Variants in OASL observed in about 807,000 individuals in gnomAD.
OASL encodes 2'-5'-oligoadenylate synthase-like protein.
OASL carries 28 observed loss-of-function variants against 35.3 expected under a neutral mutation model. That is an observed-to-expected ratio of 0.79 (90% CI 0.59 to 1.09). The LOEUF (loss-of-function observed/expected upper bound fraction) is 1.09. OASL is among the 50% of genes least tolerant of loss of function. The pLI is 0.00. For synonymous variants in OASL, 252 were observed against 254.6 expected (o/e 0.99, Z 0.10); for missense variants, 620 against 635.2 (o/e 0.98, Z 0.26).
chr12:121,027,799 G>A (rs1305259217), exon 4 of OASL: 2 of 1,613,840 alleles, frequency 1.2e-6, no homozygotes, highest in Non-Finnish European at 1.7e-6. Flanking sequence ...TTGGCTCTGG[G>A]GGACCTGGCT....
chr12:121,023,819 A>G, intron 5 of OASL, 171 bp downstream of exon 5: 1 of 631,668 alleles, frequency 1.6e-6, no homozygotes, highest in Non-Finnish European at 2.6e-6. Flanking sequence ...AGGCTCTGAG[A>G]GCCAAAGAAT....
chr12:121,023,624 G>A lies in OASL; in HGVS notation c.1047+366C>T, dbSNP rs1592932427. On this transcript the variant is annotated intron_variant, in intron 5 of 5. Coordinates refer to ENST00000257570, the Ensembl canonical transcript of OASL. ...GGTCATGTCTTATTTCTGTGCCTGT[G>A]TTGTCCCCCAGCCCACATCCCCTAC... is the stretch of plus-strand genomic sequence containing the variant. 5 of 179,962 alleles carry A rather than the reference G, an allele frequency of 2.8e-5. No individual in the cohort carries two copies. In the Admixed American group the frequency reaches 2.8e-4, roughly 10 times the overall value. 11.1% of individuals were successfully genotyped at this position (179,962 alleles called of 1,614,324 possible).
Position 121,033,562 on chromosome 12 carries a change from CTCAGG to C in OASL, c.375_379del (p.Asp125GlufsTer46). ...AGCATCGGGGACTCTCTGCTCCATC[CTCAGG>C]TCCTCGAGCCCGAGGTCCAGCAGGT... On this transcript the variant is annotated frameshift_variant, in exon 2 of 6. Coordinates refer to ENST00000257570, the Ensembl canonical transcript of OASL. LOFTEE classifies it high-confidence loss of function. The C allele has an allele frequency of 6.2e-7, 1 of 1,614,170 alleles. No individual in the cohort carries two copies. Among genetic ancestry groups the C allele is most frequent in the East Asian group, 2.2e-5 (1 of 44,868 alleles).
intron 4 of OASL, 52 bp from the exon 5 acceptor site, chr12:121,024,189 AGCC>A: frequency 6.3e-7 from 1 of 1,580,898 alleles, no homozygotes; most frequent in Admixed American, 1.8e-5. Context: ...AAGGCCTTCA[AGCC>A]AGAAAAAAAC....
intron 2 of OASL, among the ~76,000 whole-genome samples, chr12:121,031,917 G>A (rs929877596): frequency 6.6e-6 from 1 of 152,136 alleles, no homozygotes; most frequent in Non-Finnish European, 1.5e-5. Flanking sequence ...GAGGCCGGGT[G>A]TGGTGGCTTA....
chr12:121,022,675 G>A (rs1869295046), intron 5 of OASL, among the ~76,000 whole-genome samples: 1 of 152,176 alleles, frequency 6.6e-6, no homozygotes, highest in Non-Finnish European at 1.5e-5. Flanking sequence ...AAGCAGTTCA[G>A]TCTCCTGTCC....
At chr12:121,021,010 A>G in exon 6 of OASL, 1 of 1,611,436 alleles carries the variant, frequency 6.2e-7, no homozygotes, top group Non-Finnish European at 8.5e-7. Flanking sequence ...ATGAGGTTGA[A>G]ATCTGGGTAA....
intron 4 of OASL, 147 bp from the exon 5 acceptor site, chr12:121,024,284 G>T (rs916146497): frequency 6.4e-6 from 5 of 779,778 alleles, no homozygotes; most frequent in African/African-American, 3.5e-5. Context: ...CCAAAACACC[G>T]CAGGAGAGTA....
In OASL at chr12:121,023,292, T is replaced by TC. The variant is rs1289534417; in HGVS notation, c.1047+697_1047+698insG. 2.4e-3 allele frequency among the ~76,000 whole-genome samples: 285 copies of TC among 116,330 alleles called. 10 individuals carry two copies. The highest frequency in any genetic ancestry group is 0.015 in the South Asian group (51 of 3,390). 76.3% of individuals were successfully genotyped at this position (116,330 alleles called of 152,430 possible). ...GGGTGGTGTCTTTTTTTTTTCTTTT[T>TC]TTCTTTTTTTTTTGAGGCAGAGTTT... is the stretch of plus-strand genomic sequence containing the variant. On this transcript the variant is annotated intron_variant, in intron 5 of 5. Coordinates refer to ENST00000257570, the Ensembl canonical transcript of OASL.
At chr12:121,018,182 C>G (rs1277207647), downstream of OASL, among the ~76,000 whole-genome samples, 2 of 152,100 alleles carry the variant, frequency 1.3e-5, no homozygotes, top group Non-Finnish European at 2.9e-5. Flanking sequence ...GGTTCGAACC[C>G]CAAGAGCGTG....
chr12:121,032,331 C>T (rs933734559), intron 2 of OASL, among the ~76,000 whole-genome samples: 4 of 152,160 alleles, frequency 2.6e-5, no homozygotes, highest in Non-Finnish European at 5.9e-5. Context: ...AGCAACTCCA[C>T]GCAGCCAGCC....
At chr12:121,039,020 A>G (rs1159994980) in exon 1 of OASL, 7 of 1,523,472 alleles carry the variant, frequency 4.6e-6, no homozygotes, top group East Asian at 2.3e-5. Flanking sequence ...CCAGGCTCCT[A>G]CCCAGCTCCC....
chr12:121,030,347 G>A (rs1017893239), intron 3 of OASL, among the ~76,000 whole-genome samples: 6 of 152,250 alleles, frequency 3.9e-5, no homozygotes, highest in East Asian at 1.9e-4. Flanking sequence ...TGGGACTACA[G>A]GCGCCCGCCA....
In OASL at chr12:121,038,859, C is replaced by T. The variant is rs1246029413; in HGVS notation, c.113G>A (p.Arg38Gln). 15 of 1,614,008 alleles carry T rather than the reference C, an allele frequency of 9.3e-6. No homozygotes were observed. In the Admixed American group the frequency reaches 1.0e-4, roughly 11 times the overall value. ...CTGCCTCAGAAACTCCTCCACGGTC[C>T]GCACAGCGTCTAGCACCTCTTCCTT... The change falls in exon 1 of 6, where the codon CGG (arginine) becomes CAG (glutamine). Residue 38 changes from arginine (R) to glutamine (Q), a missense_variant. Arg to Gln is a conservative substitution (Grantham distance 43). Coordinates refer to ENST00000257570, the Ensembl canonical transcript of OASL.
At chr12:121,030,372 T>G (rs2135910516) in intron 3 of OASL, among the ~76,000 whole-genome samples, 1 of 152,100 alleles carries the variant, frequency 6.6e-6, no homozygotes, top group East Asian at 1.9e-4. Flanking sequence ...GCCTGGCTAT[T>G]TTTTTGTATT....
chr12:121,020,562 T>A, exon 6 of OASL: 1 of 1,597,808 alleles, frequency 6.3e-7, no homozygotes, highest in Non-Finnish European at 8.5e-7. Flanking sequence ...CAGAGAAAAC[T>A]AACTGGCTGG....
chr12:121,025,759 T>TA (rs11408808), intron 4 of OASL, among the ~76,000 whole-genome samples: 42,800 of 139,042 alleles, frequency 0.31, 6,643 homozygotes, highest in Admixed American at 0.39. Context: ...AAGACTCCAT[T>TA]AAAAAAAAAA....
Position 121,020,705 on chromosome 12 carries a change from C to T in OASL, c.1401G>A (p.Gln467=), listed in dbSNP as rs1869192584. The change falls in exon 6 of 6, where the codon CAG becomes CAA. Residue 467 remains glutamine, a synonymous_variant. Transcript: ENST00000257570. ...GCTGCTGCTGCTTTTTAGGAAGCCC[C>T]TGCTGGTCTTCAATCTGCTGCTTCA... 2.5e-6 allele frequency: 4 copies of T among 1,614,090 alleles called. No individual in the cohort carries two copies. The Admixed American group carries it at 6.7e-5, about 27-fold the overall frequency.
At chr12:121,031,591 G>C (rs1869737092) in exon 3 of OASL, 1 of 1,613,558 alleles carries the variant, frequency 6.2e-7, no homozygotes, top group Non-Finnish European at 8.5e-7. Flanking sequence ...ACCTCAGGGG[G>C]TGGCTGGGAG....
Sources: gnomAD v4.1 joint callset for allele counts (sites outside exome capture counted in the v4.1 genomes callset) on GRCh38, gnomAD v4.1.1 for gene constraint, MANE v1.5 for transcripts, NCBI Gene and HGNC (gene_info 2026-07-23, HGNC 2026-07-21) for gene names.